The following IL6R variants were observed in gnomAD, a reference collection of about 807,000 sequenced individuals.
The protein encoded by IL6R is interleukin-6 receptor subunit alpha.
Under a neutral mutation model 48.3 loss-of-function variants are expected in IL6R, and 38 were observed. That is an observed-to-expected ratio of 0.79 (90% CI 0.61 to 1.03). IL6R has a LOEUF of 1.03. Ranked by LOEUF, IL6R falls within the 50% of genes least tolerant of loss-of-function variation. The pLI is 0.00. For missense variants in IL6R, 534 were observed against 618.3 expected (o/e 0.86, Z 1.45); for synonymous variants, 264 against 256.2 (o/e 1.03, Z -0.29).
intron 8 of IL6R, among the ~76,000 whole-genome samples, chr1:154,453,793 G>A (rs1421569425): frequency 6.6e-6 from 1 of 152,202 alleles, no homozygotes; most frequent in East Asian, 1.9e-4. Flanking sequence ...ATTCTCAAAG[G>A]AAATGACATC....
rs1471735319 is a variant in IL6R, at chr1:154,465,658, A to C, written c.*278A>C. 6.7e-6 allele frequency: 3 copies of C among 446,762 alleles called. No individual in the cohort carries two copies. The highest frequency in any genetic ancestry group is 4.0e-5 in the African/African-American group (2 of 50,520). 27.7% of individuals were successfully genotyped at this position (446,762 alleles called of 1,614,324 possible). ...AGAGAACCATATCAAGACTCTTTGG[A>C]CACTCACACGGACACTCAAAAGCTG... On this transcript the variant is annotated 3_prime_UTR_variant, in exon 10 of 10. Transcript: ENST00000368485.
intron 9 of IL6R, among the ~76,000 whole-genome samples, chr1:154,456,673 C>T (rs1375755117): frequency 6.6e-6 from 1 of 152,114 alleles, no homozygotes. Flanking sequence ...ATAGACAAGT[C>T]TCAGTGAAAA....
chr1:154,460,887 T>A (rs1231390287), intron 9 of IL6R, among the ~76,000 whole-genome samples: 1 of 151,920 alleles, frequency 6.6e-6, no homozygotes, highest in Non-Finnish European at 1.5e-5. Context: ...GACAAAGAGA[T>A]AAAGAGAAAG....
chr1:154,411,678 T>C (rs1323940873), intron 1 of IL6R, among the ~76,000 whole-genome samples: 2 of 152,132 alleles, frequency 1.3e-5, no homozygotes, highest in Non-Finnish European at 2.9e-5. Context: ...AGGGGACCTT[T>C]GGGCAAGTCA....
intron 9 of IL6R, among the ~76,000 whole-genome samples, chr1:154,463,419 G>T (rs1369949395): frequency 2.6e-5 from 4 of 152,222 alleles, no homozygotes; most frequent in African/African-American, 9.7e-5. Flanking sequence ...GCCAGTGGCA[G>T]ATTTGGAGCC....
chr1:154,428,588 G>A (rs1689105652), intron 1 of IL6R, among the ~76,000 whole-genome samples: 1 of 152,234 alleles, frequency 6.6e-6, no homozygotes, highest in Admixed American at 6.5e-5. Context: ...AACGTCCCGG[G>A]CACTTGGAAT....
intron 1 of IL6R, among the ~76,000 whole-genome samples, chr1:154,406,950 G>C (rs999553442): frequency 6.6e-6 from 1 of 152,330 alleles, no homozygotes; most frequent in East Asian, 1.9e-4. Flanking sequence ...AGGAGACTGA[G>C]GTTCAGGGAG....
intron 6 of IL6R, among the ~76,000 whole-genome samples, chr1:154,447,686 T>TTTTGTTTTGTTTTGTTTTG (rs1558323953): frequency 4.0e-5 from 6 of 148,326 alleles, no homozygotes; most frequent in African/African-American, 1.5e-4. Context: ...AGCATGCTGT[T>TTTTGTTTTGTTTTGTTTTG]TTTTGTTTTG....
rs1691646464 is a variant in IL6R at position 154,468,315 on chromosome 1, C to T, written c.*2935C>T. Reference sequence around the variant, plus strand: ...AGTCCCCAGCAGTGCTGTTATTTGCCTAACACCTGTAGCCATCTGCCACGC... The same window carrying T: ...AGTCCCCAGCAGTGCTGTTATTTGCTTAACACCTGTAGCCATCTGCCACGC... On this transcript the variant is annotated 3_prime_UTR_variant, in exon 10 of 10. Transcript: ENST00000368485. 6.6e-6 allele frequency: 1 copy of T among 152,204 alleles called. No individual in the cohort carries two copies. The highest frequency in any genetic ancestry group is 2.4e-5 in the African/African-American group (1 of 41,442). The allele number at this position is 152,204 out of a possible 1,614,324, so 9.4% of individuals were successfully genotyped here.
At chr1:154,439,346 G>A (rs945608200) in intron 6 of IL6R, among the ~76,000 whole-genome samples, 1 of 152,004 alleles carries the variant, frequency 6.6e-6, no homozygotes, top group Non-Finnish European at 1.5e-5. Context: ...ACGGAGTCTC[G>A]CTCTGTCGCC....
intron 6 of IL6R, among the ~76,000 whole-genome samples, chr1:154,443,780 C>T (rs528223376): frequency 7.2e-5 from 11 of 152,348 alleles, no homozygotes; most frequent in African/African-American, 2.6e-4. Context: ...ACCCGTATCT[C>T]CTGCCAAGCC....
intron 6 of IL6R, among the ~76,000 whole-genome samples, chr1:154,443,255 C>A (rs76881129): frequency 0.011 from 1,646 of 152,314 alleles, 36 homozygotes; most frequent in African/African-American, 0.038. Flanking sequence ...CAGGACTGGG[C>A]GGTCAGTGCC....
intron 3 of IL6R, 26 bp from the exon 4 acceptor site, chr1:154,434,493 C>T (rs1338240607): frequency 3.7e-6 from 6 of 1,601,530 alleles, no homozygotes; most frequent in Non-Finnish European, 5.1e-6. Context: ...GACAGGCAAG[C>T]CCTGCCCTTG....
chr1:154,465,699 G>C lies in IL6R; in HGVS notation c.*319G>C. On this transcript the variant is annotated 3_prime_UTR_variant, in exon 10 of 10. Transcript: ENST00000368485. The stretch of plus-strand genomic sequence containing the variant: ...TCAAAAGCTGGGCAGGTTGGTGGGG[G>C]CCTCGGTGTGGAGAAGCGGCTGGCA... 1 of 329,446 alleles carries C rather than the reference G, an allele frequency of 3.0e-6. No homozygotes were observed. Among genetic ancestry groups the C allele is most frequent in the Admixed American group, 4.4e-5 (1 of 22,956 alleles). 20.4% of individuals were successfully genotyped at this position (329,446 alleles called of 1,614,324 possible).
chr1:154,434,969 T>C, intron 4 of IL6R, 21 bp from the exon 5 acceptor site: 1 of 1,612,210 alleles, frequency 6.2e-7, no homozygotes. Context: ...TGCAAAGGAG[T>C]CATGCTCACT....
chr1:154,444,723 C>T lies in IL6R; in HGVS notation c.950-3402C>T, dbSNP rs370629670. ...GACCAGCCGGGCACCATAAGGAGAC[C>T]CTGTCTTTACAAAAAAAAGTTAAAA... On this transcript the variant is annotated intron_variant, in intron 6 of 9. Coordinates refer to ENST00000368485, the MANE Select transcript of IL6R (RefSeq NM_000565.4). Among the ~76,000 whole-genome samples, 79 of 151,964 alleles carry T rather than the reference C, an allele frequency of 5.2e-4. No individual in the cohort carries two copies. The South Asian group carries it at 0.015, about 30-fold the overall frequency.
At chr1:154,451,889 A>G (rs186550566) in intron 8 of IL6R, among the ~76,000 whole-genome samples, 116 of 152,198 alleles carry the variant, frequency 7.6e-4, no homozygotes, top group African/African-American at 2.6e-3. Context: ...CTCCCCACCT[A>G]TTCAACCCAG....
At chr1:154,432,427 G>A (rs1048708094) in intron 3 of IL6R, among the ~76,000 whole-genome samples, 2 of 149,596 alleles carry the variant, frequency 1.3e-5, no homozygotes, top group Admixed American at 6.7e-5. Context: ...GTGGGATCTC[G>A]GCTCACTGCA....
intron 1 of IL6R, chr1:154,414,721 A>T: frequency 2.5e-6 from 2 of 812,812 alleles, no homozygotes; most frequent in Non-Finnish European, 4.3e-6. Flanking sequence ...GTATTGCTCC[A>T]GGGACACAGG....
Sources: allele counts gnomAD v4.1 joint callset (sites outside exome capture counted in the v4.1 genomes callset), GRCh38; gene constraint gnomAD v4.1.1; transcripts MANE v1.5; gene names NCBI Gene and HGNC (gene_info 2026-07-23, HGNC 2026-07-21).